Variants in TTC28 observed in about 807,000 individuals in gnomAD.
TTC28 encodes the protein tetratricopeptide repeat protein 28.
In TTC28, 61 loss-of-function variants were observed where a neutral mutation model predicts 198.0. The ratio of observed to expected loss-of-function variants is 0.31; its 90% CI spans 0.25 to 0.38. The LOEUF is 0.38. TTC28 is among the 10% of genes least tolerant of loss of function. The probability of loss-of-function intolerance (pLI) is 1.00; values close to 1 mark genes in which losing one functional copy is unlikely to be tolerated. For missense variants in TTC28, 2,678 were observed against 3,164.0 expected (o/e 0.85, Z 3.69); for synonymous variants, 1,171 against 1,297.8 (o/e 0.90, Z 2.10).
rs1368092666 is a variant in TTC28, at chr22:28,107,660, C to CT, written c.2184dup (p.Asp729ArgfsTer10). The stretch of plus-strand genomic sequence containing the variant: ...TAGAATTTTATTGCACCATTTATAT[C>CT]TTTTTTACAGATGAATATATCGCCC... On this transcript the variant is annotated frameshift_variant, in exon 7 of 23. Transcript: ENST00000397906. LOFTEE classifies it high-confidence loss of function. The CT allele has an allele frequency of 6.4e-7, 1 of 1,551,700 alleles. No homozygotes were observed. Among genetic ancestry groups the CT allele is most frequent in the Non-Finnish European group, 8.7e-7 (1 of 1,146,992 alleles).
chr22:28,387,191 G>A (rs1272941127), intron 2 of TTC28, among the ~76,000 whole-genome samples: 1 of 152,210 alleles, frequency 6.6e-6, no homozygotes, highest in Non-Finnish European at 1.5e-5. Context: ...TTTTATGGCT[G>A]CATAGTATTC....
At chr22:27,991,760 C>T (rs570562389) in intron 19 of TTC28, among the ~76,000 whole-genome samples, 5 of 152,324 alleles carry the variant, frequency 3.3e-5, no homozygotes, top group Admixed American at 2.6e-4. Flanking sequence ...CTGGCCAGAA[C>T]GCAGTGGTGC....
At position 28,107,167 on chromosome 22, in the gene TTC28, T is replaced by G; in HGVS notation, c.2678A>C (p.Tyr893Ser). Reference sequence around the variant, plus strand: ...TTCATAGTATTTGATAGCTTCCTCATAGTCACCCAGGGCTTCGTAGCAATC... The same window carrying G: ...TTCATAGTATTTGATAGCTTCCTCAGAGTCACCCAGGGCTTCGTAGCAATC... Reference protein sequence around the residue: ...LGDCYEALGDYEEAIKYYEQY... With the variant: ...LGDCYEALGDSEEAIKYYEQY... Residue 893 changes from tyrosine (Y) to serine (S), a missense_variant, in exon 7 of 23, where the codon TAT becomes TCT. Coordinates refer to ENST00000397906, the MANE Select transcript of TTC28 (RefSeq NM_001145418.2). The G allele has an allele frequency of 6.4e-7, 1 of 1,551,728 alleles. No individual in the cohort carries two copies. Among genetic ancestry groups the G allele is most frequent in the South Asian group, 1.2e-5 (1 of 84,056 alleles).
intron 2 of TTC28, among the ~76,000 whole-genome samples, chr22:28,574,616 A>G (rs1027973244): frequency 1.3e-5 from 2 of 152,206 alleles, no homozygotes; most frequent in African/African-American, 4.8e-5. Context: ...TGTCCAAAGC[A>G]GTTTTACTAA....
chr22:28,634,747 G>A (rs942301684), intron 1 of TTC28, among the ~76,000 whole-genome samples: 2 of 151,650 alleles, frequency 1.3e-5, no homozygotes, highest in Non-Finnish European at 2.9e-5. Context: ...ACCACACCCA[G>A]CCAATTTTTG....
At chr22:28,443,429 T>G (rs2047655364) in intron 2 of TTC28, among the ~76,000 whole-genome samples, 1 of 152,186 alleles carries the variant, frequency 6.6e-6, no homozygotes, top group Non-Finnish European at 1.5e-5. Context: ...GCAAAGAAAA[T>G]TCCAAAGATC....
intron 2 of TTC28, among the ~76,000 whole-genome samples, chr22:28,398,014 C>T (rs1030170264): frequency 6.6e-6 from 1 of 152,164 alleles, no homozygotes; most frequent in Non-Finnish European, 1.5e-5. Context: ...CAGGCTGGAT[C>T]CCCCAAGAGC....
chr22:28,524,859 C>T (rs936640757), intron 2 of TTC28, among the ~76,000 whole-genome samples: 3 of 152,142 alleles, frequency 2.0e-5, no homozygotes, highest in Non-Finnish European at 4.4e-5. Flanking sequence ...TTTGGAATTA[C>T]ATATCATTGA....
rs35503278 is a variant in TTC28, at chr22:28,505,256, C to CAAAA, written c.381+124292_381+124295dup. Among the ~76,000 whole-genome samples, 9 of 75,350 alleles carry CAAAA rather than the reference C, an allele frequency of 1.2e-4. 1 individual carries two copies. Among genetic ancestry groups the CAAAA allele is most frequent in the African/African-American group, 2.0e-4 (4 of 19,554 alleles). The allele number at this position is 75,350 out of a possible 152,430, so 49.4% of individuals were successfully genotyped here. A position where few individuals can be genotyped will look rare whatever the true frequency, so the allele number is the denominator to read the frequency against. ...TGGGCAACAGAGCGAGACTCCGTCT[C>CAAAA]AAAAAAAAAAAAAAAAAAAAAAGTT... On this transcript the variant is annotated intron_variant, in intron 2 of 22. Coordinates refer to ENST00000397906, the MANE Select transcript of TTC28 (RefSeq NM_001145418.2).
intron 17 of TTC28, among the ~76,000 whole-genome samples, chr22:27,994,261 T>G (rs1281155424): frequency 7.1e-6 from 1 of 141,406 alleles, no homozygotes; most frequent in African/African-American, 2.6e-5. Context: ...CAGAGCAACA[T>G]AGCGAGACCC....
intron 6 of TTC28, among the ~76,000 whole-genome samples, chr22:28,138,946 A>G (rs1943262988): frequency 6.6e-6 from 1 of 152,204 alleles, no homozygotes; most frequent in Admixed American, 6.5e-5. Context: ...ACAGATACTT[A>G]AAAAGACAAA....
intron 15 of TTC28, chr22:27,999,686 A>T (rs553563344): frequency 6.0e-6 from 1 of 167,824 alleles, no homozygotes; most frequent in Non-Finnish European, 1.3e-5. Context: ...AATGGTGCAA[A>T]CAAGCAAGCC....
intron 6 of TTC28, among the ~76,000 whole-genome samples, chr22:28,161,711 G>C (rs1921204578): frequency 6.8e-6 from 1 of 146,534 alleles, no homozygotes; most frequent in African/African-American, 2.5e-5. Flanking sequence ...GGAGGGGAAA[G>C]AGGAAAGGAA....
At chr22:28,445,419 T>C (rs1568948168) in intron 2 of TTC28, among the ~76,000 whole-genome samples, 1 of 152,144 alleles carries the variant, frequency 6.6e-6, no homozygotes. Context: ...GGATAAATCA[T>C]CAAAAACTGG....
At chr22:28,614,290 A>G (rs2146162820) in intron 2 of TTC28, among the ~76,000 whole-genome samples, 1 of 152,334 alleles carries the variant, frequency 6.6e-6, no homozygotes, top group East Asian at 1.9e-4. Context: ...CAAGGAAATA[A>G]CAGAAGACAC....
chr22:28,404,728 T>C (rs1180725843), intron 2 of TTC28, among the ~76,000 whole-genome samples: 2 of 152,224 alleles, frequency 1.3e-5, no homozygotes, highest in Non-Finnish European at 2.9e-5. Flanking sequence ...CCATTAGGTG[T>C]CAAAGTCTCA....
rs375923559 is a variant in TTC28, at chr22:27,982,410, C to A, written c.7257G>T (p.Gln2419His). ...DKLELKELSL[Q>H]QHDGAPPKAP... ...CTTTCGGTGGAGCTCCGTCATGCTG[C>A]TGCAGGGACAGCTCCTTCAGTTCAA... Residue 2419 changes from glutamine (Q) to histidine (H), a missense_variant, in exon 23 of 23, where the codon CAG becomes CAT. Gln to His is a conservative substitution (Grantham distance 24). Coordinates refer to ENST00000397906, the MANE Select transcript of TTC28 (RefSeq NM_001145418.2). This position sits in a 1 kb window ranked among gnomAD's most constrained non-coding sequence, Gnocchi z 5.2. 1.2e-5 allele frequency: 19 copies of A among 1,551,434 alleles called. 1 individual carries two copies. In the East Asian group the frequency reaches 1.5e-4, roughly 12 times the overall value.
chr22:28,529,042 G>C (rs931911934), intron 2 of TTC28, among the ~76,000 whole-genome samples: 3 of 152,170 alleles, frequency 2.0e-5, no homozygotes, highest in Non-Finnish European at 2.9e-5. Context: ...TGAGGTACCA[G>C]GTTCATCTCA....
intron 6 of TTC28, among the ~76,000 whole-genome samples, chr22:28,147,319 G>A (rs1943491753): frequency 6.6e-6 from 1 of 152,186 alleles, no homozygotes; most frequent in Admixed American, 6.5e-5. Context: ...GAAAAGAGGG[G>A]AGACTTCAGG....
Sources: allele counts gnomAD v4.1 joint callset (sites outside exome capture counted in the v4.1 genomes callset), GRCh38; gene constraint gnomAD v4.1.1; non-coding constraint Gnocchi (gnomAD v3.1); transcripts MANE v1.5; gene names NCBI Gene and HGNC (gene_info 2026-07-23, HGNC 2026-07-21).